Variants in SLC4A4 observed in about 807,000 individuals in gnomAD.
The protein encoded by SLC4A4 is electrogenic sodium bicarbonate cotransporter 1.
SLC4A4 carries 27 observed loss-of-function variants against 111.5 expected under a neutral mutation model. The observed-to-expected ratio is 0.24, with a 90% CI of 0.18 to 0.33. The LOEUF (loss-of-function observed/expected upper bound fraction) is 0.33, where lower values mean the gene tolerates loss of function less well. Ranked by LOEUF, SLC4A4 falls within the 10% of genes least tolerant of loss-of-function variation. The probability of loss-of-function intolerance (pLI) is 1.00; values close to 1 mark genes in which losing one functional copy is unlikely to be tolerated. For synonymous variants in SLC4A4, 443 were observed against 463.4 expected, an observed-to-expected ratio of 0.96 and a Z score of 0.57; for missense variants, 909 against 1,315.5, an observed-to-expected ratio of 0.69 and a Z score of 4.78.
chr4:71,343,669 T>G (rs1218033849), intron 4 of SLC4A4, among the ~76,000 whole-genome samples: 2 of 152,208 alleles, frequency 1.3e-5, no homozygotes, highest in Non-Finnish European at 2.9e-5. Context: ...CATCTCACAT[T>G]CAGTACTACT....
At chr4:71,377,215 G>A (rs1050050861) in intron 6 of SLC4A4, among the ~76,000 whole-genome samples, 1 of 152,156 alleles carries the variant, frequency 6.6e-6, no homozygotes, top group African/African-American at 2.4e-5. Flanking sequence ...TTTGATAACT[G>A]CTACTTCTTT....
chr4:71,473,056 T>G lies in SLC4A4; in HGVS notation c.1903+86T>G, dbSNP rs1577987642. ...ATGCTTGCAAATTTTCAACATGCTG[T>G]CATGGTCCTCAGGAATTAGTCTTGT... On this transcript the variant is annotated intron_variant, in intron 14 of 25. Transcript: ENST00000264485. 2.9e-6 allele frequency: 4 copies of G among 1,401,872 alleles called. 1 individual carries two copies. In the Admixed American group the frequency reaches 6.7e-5, roughly 24 times the overall value. The allele number at this position is 1,401,872 out of a possible 1,614,324, so 86.8% of individuals were successfully genotyped here.
At chr4:71,465,829 T>TA (rs1436964307) in intron 12 of SLC4A4, among the ~76,000 whole-genome samples, 10 of 152,230 alleles carry the variant, frequency 6.6e-5, no homozygotes, top group African/African-American at 2.4e-4. Context: ...TAGAAATAGT[T>TA]AATTGAAGCT....
intron 2 of SLC4A4, among the ~76,000 whole-genome samples, chr4:71,132,450 TG>T (rs1743732615): frequency 6.6e-6 from 1 of 152,228 alleles, no homozygotes; most frequent in South Asian, 2.1e-4. Context: ...CTGAGGCTGC[TG>T]TTGGTTTTAG....
chr4:71,493,418 A>G (rs1024011498), intron 15 of SLC4A4, among the ~76,000 whole-genome samples: 3 of 152,020 alleles, frequency 2.0e-5, no homozygotes, highest in Non-Finnish European at 4.4e-5. Context: ...AATATGTCAT[A>G]TATTCCAGAC....
At chr4:71,179,110 A>T (rs1487157328) in intron 2 of SLC4A4, among the ~76,000 whole-genome samples, 1 of 152,202 alleles carries the variant, frequency 6.6e-6, no homozygotes, top group Non-Finnish European at 1.5e-5. Context: ...AAACCATATG[A>T]TTATCTCAAC....
At chr4:71,214,632 G>A (rs1186041673) in intron 1 of SLC4A4, among the ~76,000 whole-genome samples, 1 of 152,032 alleles carries the variant, frequency 6.6e-6, no homozygotes, top group East Asian at 1.9e-4. Flanking sequence ...GATTCAATAA[G>A]GCACATGATC....
At chr4:71,393,179 C>A (rs925157313) in intron 6 of SLC4A4, among the ~76,000 whole-genome samples, 5 of 152,018 alleles carry the variant, frequency 3.3e-5, no homozygotes, top group Non-Finnish European at 4.4e-5. Context: ...AGCAATCAGA[C>A]AAGAGAAATA....
intron 1 of SLC4A4, among the ~76,000 whole-genome samples, chr4:71,201,565 T>C (rs1259269329): frequency 2.0e-5 from 3 of 152,182 alleles, no homozygotes; most frequent in Non-Finnish European, 4.4e-5. Context: ...CTTTAATTCC[T>C]AGAGTTTAAG....
At chr4:71,374,216 T>C (rs1732136412) in intron 6 of SLC4A4, among the ~76,000 whole-genome samples, 1 of 152,188 alleles carries the variant, frequency 6.6e-6, no homozygotes, top group Admixed American at 6.5e-5. Flanking sequence ...GCATCTCACT[T>C]TCCATCCCTC....
At chr4:71,146,927 A>T (rs1272263733) in intron 2 of SLC4A4, among the ~76,000 whole-genome samples, 14 of 152,210 alleles carry the variant, frequency 9.2e-5, no homozygotes, top group Non-Finnish European at 1.5e-5. Context: ...TGCTCCAATT[A>T]AAAGGCACAG....
intron 15 of SLC4A4, among the ~76,000 whole-genome samples, chr4:71,494,232 C>T (rs72853276): frequency 0.12 from 18,716 of 151,998 alleles, 1,436 homozygotes; most frequent in African/African-American, 0.22. Flanking sequence ...AAACATTACA[C>T]GCATCGTAAG....
chr4:71,433,154 A>C (rs1291643158), intron 7 of SLC4A4, among the ~76,000 whole-genome samples: 1 of 151,628 alleles, frequency 6.6e-6, no homozygotes, highest in Admixed American at 6.6e-5. Context: ...TTTTCTCAAA[A>C]CCTCACACAA....
intron 3 of SLC4A4, chr4:71,339,158 A>G (rs2148888962): frequency 2.5e-6 from 4 of 1,613,178 alleles, no homozygotes; most frequent in South Asian, 1.1e-5. Context: ...GTGGTGGAGA[A>G]CCAAGATACA....
At chr4:71,518,885 G>A (rs996411881) in intron 16 of SLC4A4, among the ~76,000 whole-genome samples, 2 of 152,140 alleles carry the variant, frequency 1.3e-5, no homozygotes, top group African/African-American at 4.8e-5. Flanking sequence ...TAGAGTCTGG[G>A]GTTGTGGGGG....
chr4:71,315,754 C>T (rs1042996662), intron 3 of SLC4A4, among the ~76,000 whole-genome samples: 5 of 152,024 alleles, frequency 3.3e-5, no homozygotes, highest in Non-Finnish European at 4.4e-5. Flanking sequence ...GGGTGGATGC[C>T]TTAGTTATTC....
At chr4:71,433,859 T>C (rs1723868188) in intron 7 of SLC4A4, among the ~76,000 whole-genome samples, 1 of 152,118 alleles carries the variant, frequency 6.6e-6, no homozygotes, top group Admixed American at 6.6e-5. Flanking sequence ...TAGTAGGATG[T>C]ATAAGTTGTG....
At chr4:71,110,695 A>G (rs1743061442) in intron 2 of SLC4A4, among the ~76,000 whole-genome samples, 1 of 152,308 alleles carries the variant, frequency 6.6e-6, no homozygotes, top group Non-Finnish European at 1.5e-5. Flanking sequence ...AAGGCTATCC[A>G]TGTTTACTCT....
Position 71,300,702 on chromosome 4 carries a change from G to A in SLC4A4, c.254-38668G>A, listed in dbSNP as rs982000410. 2.3e-5 allele frequency: 9 copies of A among 386,026 alleles called. No homozygotes were observed. In the Admixed American group the frequency reaches 2.7e-4, roughly 12 times the overall value. The allele number at this position is 386,026 out of a possible 1,614,324, so 23.9% of individuals were successfully genotyped here. A position where few individuals can be genotyped will look rare whatever the true frequency, so the allele number is the denominator to read the frequency against. ...CCAGCGGAGTGATATGTAGGGGCAT[G>A]GGGCTGGCAGCAGCTTCTGGAGGGG... On this transcript the variant is annotated intron_variant, in intron 3 of 25. Transcript: ENST00000264485.
Sources: allele counts gnomAD v4.1 joint callset (sites outside exome capture counted in the v4.1 genomes callset), GRCh38; gene constraint gnomAD v4.1.1; transcripts MANE v1.5; gene names NCBI Gene and HGNC (gene_info 2026-07-23, HGNC 2026-07-21).